Variants in RHOH observed in about 807,000 individuals in gnomAD.
The protein encoded by RHOH is rho-related GTP-binding protein RhoH.
In RHOH, 6 loss-of-function variants were observed where a neutral mutation model predicts 13.8. That is an observed-to-expected ratio of 0.44 (90% confidence interval 0.24 to 0.86). The LOEUF (loss-of-function observed/expected upper bound fraction) is 0.86. RHOH is among the 40% of genes least tolerant of loss of function. The pLI is 0.24. For synonymous variants in RHOH, 117 were observed against 103.0 expected, an observed-to-expected ratio of 1.14 and a Z score of -0.82; for missense variants, 147 against 244.5, an observed-to-expected ratio of 0.60 and a Z score of 2.66.
In RHOH at chr4:40,220,250, C is replaced by G. The variant is rs189466791; in HGVS notation, c.-330-22464C>G. Among the ~76,000 whole-genome samples the G allele has an allele frequency of 2.0e-5, 3 of 152,242 alleles. No individual in the cohort carries two copies. The East Asian group carries it at 5.8e-4, about 29-fold the overall frequency. The stretch of plus-strand genomic sequence containing the variant: ...CCTATTTCTTTCTCTCCTCCAAGAC[C>G]AAGTTCAAATGTTCCTCCTCTCCCC... On this transcript the variant is annotated intron_variant, in intron 1 of 2. Transcript: ENST00000381799.
chr4:40,237,225 G>C (rs1353283288), intron 1 of RHOH, among the ~76,000 whole-genome samples: 1 of 152,130 alleles, frequency 6.6e-6, no homozygotes, highest in Non-Finnish European at 1.5e-5. Flanking sequence ...GGCCGAGGTG[G>C]GTGGATCACC....
chr4:40,211,935 C>A (rs115951358), intron 1 of RHOH, among the ~76,000 whole-genome samples: 196 of 152,280 alleles, frequency 1.3e-3, no homozygotes, highest in Middle Eastern at 6.8e-3. Context: ...TCTGAGAAAG[C>A]TGCCCCGAGC....
intron 1 of RHOH, among the ~76,000 whole-genome samples, chr4:40,225,723 T>A (rs776551671): frequency 1.2e-4 from 19 of 152,178 alleles, no homozygotes; most frequent in Non-Finnish European, 2.6e-4. Flanking sequence ...AAAAATGTAT[T>A]TCCGGCCTTT....
chr4:40,201,945 GTTTTTTTTTTTTT>G (rs1179441198), intron 1 of RHOH, among the ~76,000 whole-genome samples: 1 of 109,038 alleles, frequency 9.2e-6, no homozygotes, highest in African/African-American at 3.5e-5. Context: ...AACTCCATGA[GTTTTTTTTTTTTT>G]TTTTTTTTTT....
At chr4:40,207,346 CTA>C (rs1018632669) in intron 1 of RHOH, among the ~76,000 whole-genome samples, 2 of 152,068 alleles carry the variant, frequency 1.3e-5, no homozygotes, top group African/African-American at 4.8e-5. Context: ...CAAAAGGCAA[CTA>C]TGAGTATTTT....
intron 1 of RHOH, chr4:40,235,060 T>C (rs1395759480): frequency 2.6e-5 from 4 of 152,234 alleles, no homozygotes; most frequent in African/African-American, 4.8e-5. Flanking sequence ...ATTATTAAGA[T>C]AGGATTCAGA....
upstream of RHOH, among the ~76,000 whole-genome samples, chr4:40,194,360 C>G (rs4974921): frequency 0.28 from 42,912 of 151,806 alleles, 6,552 homozygotes; most frequent in Non-Finnish European, 0.35. Context: ...TCTCGAGTAG[C>G]TGGGATTACA....
chr4:40,191,887 G>A (rs1396009750), upstream of RHOH, among the ~76,000 whole-genome samples: 1 of 151,418 alleles, frequency 6.6e-6, no homozygotes, highest in Non-Finnish European at 1.5e-5. Context: ...GGCAATAAGA[G>A]GGAAGCTAGA....
chr4:40,236,039 G>T (rs545305917), intron 1 of RHOH, among the ~76,000 whole-genome samples: 8 of 152,078 alleles, frequency 5.3e-5, no homozygotes, highest in African/African-American at 1.9e-4. Flanking sequence ...TCTTGAAACT[G>T]GGTCTGCATA....
rs1470411817 is a variant in RHOH, at chr4:40,218,769, A to T, written c.-331+21469A>T. 3.9e-5 allele frequency among the ~76,000 whole-genome samples: 6 copies of T among 152,210 alleles called. No individual in the cohort carries two copies. Among genetic ancestry groups the T allele is most frequent in the Non-Finnish European group, 7.3e-5 (5 of 68,030 alleles). ...AGTTCAATGCCTCATTTTGCGGATG[A>T]AAAAACAGGTTTGGAGTGGCTAAAT... On this transcript the variant is annotated intron_variant, in intron 1 of 2. Coordinates refer to ENST00000381799, the MANE Select transcript of RHOH (RefSeq NM_004310.5). The surrounding 1 kb of genome is among the most constrained non-coding windows in gnomAD (Gnocchi z 4.1).
chr4:40,212,803 C>A (rs1195313062), intron 1 of RHOH: 1 of 152,182 alleles, frequency 6.6e-6, no homozygotes, highest in Non-Finnish European at 1.5e-5. Flanking sequence ...TAAGATGCTC[C>A]CTGATGGGGA....
intron 1 of RHOH, among the ~76,000 whole-genome samples, chr4:40,220,635 G>A (rs1001902689): frequency 1.3e-5 from 2 of 152,080 alleles, no homozygotes; most frequent in African/African-American, 4.8e-5. Context: ...TAACCTCTGG[G>A]CCTAGTCTAA....
At chr4:40,195,473 C>CTTTTT, upstream of RHOH, among the ~76,000 whole-genome samples, 1 of 149,186 alleles carries the variant, frequency 6.7e-6, no homozygotes, top group East Asian at 2.0e-4. Context: ...CCCTCTCTCT[C>CTTTTT]TTTTTTCGAG....
chr4:40,223,772 T>TG (rs1449745079), intron 1 of RHOH, among the ~76,000 whole-genome samples: 2 of 140,940 alleles, frequency 1.4e-5, no homozygotes, highest in Non-Finnish European at 3.1e-5. Context: ...AACTTGTTTT[T>TG]TTTTTTTTTT....
Position 40,243,423 on chromosome 4 carries a change from T to C in RHOH, c.37T>C (p.Ser13Pro), listed in dbSNP as rs905140347. Residue 13 changes from serine to proline, a missense_variant, in exon 3 of 3, where the codon TCT becomes CCT. Transcript: ENST00000381799. This position sits in a 1 kb window ranked among gnomAD's most constrained non-coding sequence, Gnocchi z 6.2. ...CATCAAGTGCGTGTTGGTGGGCGAC[T>C]CTGCTGTGGGGAAAACCTCTCTGTT... Reference protein sequence around the residue: ...SSIKCVLVGDSAVGKTSLLVR... With the variant: ...SSIKCVLVGDPAVGKTSLLVR... 2 of 1,608,116 alleles carry C rather than the reference T, an allele frequency of 1.2e-6. No individual in the cohort carries two copies. Among genetic ancestry groups the C allele is most frequent in the Non-Finnish European group, 1.7e-6 (2 of 1,176,466 alleles).
intron 1 of RHOH, chr4:40,200,555 C>G (rs1351307840): frequency 6.6e-6 from 1 of 152,138 alleles, no homozygotes; most frequent in Non-Finnish European, 1.5e-5. Flanking sequence ...CCTACCAGGG[C>G]CCCAGAAACC....
chr4:40,216,519 T>C (rs1015766404), intron 1 of RHOH, among the ~76,000 whole-genome samples: 4 of 152,002 alleles, frequency 2.6e-5, no homozygotes, highest in African/African-American at 9.7e-5. Flanking sequence ...TTGACAAAAA[T>C]ATGATTCTTT....
intron 1 of RHOH, among the ~76,000 whole-genome samples, chr4:40,215,735 C>A (rs113789013): frequency 2.0e-3 from 301 of 152,286 alleles, no homozygotes; most frequent in African/African-American, 6.7e-3. Flanking sequence ...TCAAGACCAG[C>A]CTGGCCAACA....
At chr4:40,242,919 G>A (rs1729420367) in intron 2 of RHOH, 85 bp downstream of exon 2, 1 of 164,602 alleles carries the variant, frequency 6.1e-6, no homozygotes, top group South Asian at 2.0e-4. Flanking sequence ...GATAAAGTCA[G>A]CTTCTGCTTC....
Sources: allele counts gnomAD v4.1 joint callset (sites outside exome capture counted in the v4.1 genomes callset), GRCh38; gene constraint gnomAD v4.1.1; non-coding constraint Gnocchi (gnomAD v3.1); transcripts MANE v1.5; gene names NCBI Gene and HGNC (gene_info 2026-07-23, HGNC 2026-07-21).